SLX4: variants seen among roughly 807,000 people sequenced by gnomAD.
The protein encoded by SLX4 is SLX4 structure-specific endonuclease subunit.
A neutral mutation model predicts 146.2 loss-of-function variants in SLX4; 112 were observed. The observed-to-expected ratio is 0.77, with a 90% CI of 0.66 to 0.90. The LOEUF (loss-of-function observed/expected upper bound fraction) is 0.90, where lower values mean the gene tolerates loss of function less well. SLX4 is among the 40% of genes least tolerant of loss of function. The probability of loss-of-function intolerance (pLI) is 0.00; values close to 1 mark genes in which losing one functional copy is unlikely to be tolerated. For missense variants in SLX4, 2,563 were observed against 2,392.7 expected, an observed-to-expected ratio of 1.07 and a Z score of -1.49; for synonymous variants, 1,061 against 997.7, an observed-to-expected ratio of 1.06 and a Z score of -1.20.
At chr16:3,602,346 A>T in intron 3 of SLX4, 39 bp from the exon 4 acceptor site, 1 of 1,608,432 alleles carries the variant, frequency 6.2e-7, no homozygotes, top group Non-Finnish European at 8.5e-7. Context: ...AATAAACTCC[A>T]AAGACAAGCT....
At chr16:3,584,546 G>T (rs1466827099) in intron 13 of SLX4, among the ~76,000 whole-genome samples, 10 of 152,156 alleles carry the variant, frequency 6.6e-5, no homozygotes, top group Admixed American at 6.5e-4. Context: ...GCCTCCCTGG[G>T]GAATGGTACG....
At chr16:3,607,981 CAT>C (rs1230820508) in intron 2 of SLX4, among the ~76,000 whole-genome samples, 9 of 152,302 alleles carry the variant, frequency 5.9e-5, no homozygotes, top group African/African-American at 1.7e-4. Context: ...CAAACACAAT[CAT>C]GTGAAAAATT....
intron 12 of SLX4, among the ~76,000 whole-genome samples, chr16:3,586,810 T>A (rs1361225091): frequency 4.1e-5 from 6 of 144,734 alleles, no homozygotes; most frequent in African/African-American, 7.8e-5. Flanking sequence ...AGAGAGAGGC[T>A]CCGTCTCAAA....
In SLX4 at chr16:3,589,841, C is replaced by T; in HGVS notation, c.3797G>A (p.Ser1266Asn). ...LVPATPLASR[S>N]RDCSSQTQIS... ...TTGGGTCTGGGAAGAACAGTCACGG[C>T]TTCTGCTGGCCAGCGGGGTGGCGGG... The change falls in exon 12 of 15, where the codon AGC (serine) becomes AAC (asparagine). Residue 1266 changes from serine to asparagine, a missense_variant. Physicochemically the swap from Ser to Asn is conservative, Grantham distance 46 (BLOSUM62 1). Transcript: ENST00000294008. The surrounding 1 kb of genome is among the most constrained non-coding windows in gnomAD (Gnocchi z 6.2). The T allele has an allele frequency of 6.2e-7, 1 of 1,613,486 alleles. No homozygotes were observed. Among genetic ancestry groups the T allele is most frequent in the Non-Finnish European group, 8.5e-7 (1 of 1,180,032 alleles).
chr16:3,604,425 T>C (rs2040761337), intron 3 of SLX4, among the ~76,000 whole-genome samples: 1 of 152,132 alleles, frequency 6.6e-6, no homozygotes, highest in African/African-American at 2.4e-5. Flanking sequence ...CGCCAGGCAC[T>C]ATTATGGAAT....
At chr16:3,583,051 C>A (rs1336402520) in intron 14 of SLX4, 46 bp downstream of exon 14, 1 of 1,608,850 alleles carries the variant, frequency 6.2e-7, no homozygotes, top group Non-Finnish European at 8.5e-7. Flanking sequence ...GCCCACGGGC[C>A]AGAGGATACA....
At chr16:3,591,345 TG>T in intron 11 of SLX4, 35 bp from the exon 12 acceptor site, 1 of 1,604,886 alleles carries the variant, frequency 6.2e-7, no homozygotes, top group African/African-American at 1.3e-5. Context: ...ATCGCCCCTC[TG>T]CGTGGAGATG....
rs773210884 is a variant in SLX4, at chr16:3,590,835, G to A, written c.2803C>T (p.His935Tyr). The A allele has an allele frequency of 6.2e-7, 1 of 1,614,090 alleles. No homozygotes were observed. Among genetic ancestry groups the A allele is most frequent in the East Asian group, 2.2e-5 (1 of 44,880 alleles). ...QCALPPPQGQ[H>Y]SGARGAEAPE... ...GCCTCTGCTCCCCGTGCCCCTGAGTGCTGGCCCTGGGGTGGCGGGAGAGCG... is the reference window on the plus strand; with the variant it reads ...GCCTCTGCTCCCCGTGCCCCTGAGTACTGGCCCTGGGGTGGCGGGAGAGCG... The change falls in exon 12 of 15, where the codon CAC becomes TAC. Residue 935 changes from histidine to tyrosine, a missense_variant. Transcript: ENST00000294008. This position sits in a 1 kb window ranked among gnomAD's most constrained non-coding sequence, Gnocchi z 4.8.
chr16:3,607,365 G>T (rs2040798632), intron 2 of SLX4, among the ~76,000 whole-genome samples: 1 of 152,314 alleles, frequency 6.6e-6, no homozygotes, highest in South Asian at 2.1e-4. Flanking sequence ...TTAAGATCAG[G>T]AAGTGAGGGC....
Position 3,591,059 on chromosome 16 carries a change from G to A in SLX4, c.2579C>T (p.Thr860Ile), listed in dbSNP as rs747515305. 2.4e-5 allele frequency: 38 copies of A among 1,614,022 alleles called. No individual in the cohort carries two copies. Among genetic ancestry groups the A allele is most frequent in the Middle Eastern group, 1.6e-4 (1 of 6,084 alleles). ...TTCTTCCTGGAGAAGCTTTCGCTGA[G>A]TAGCTGCAAATTCATAAATTTCTTC... ...EMEEIYEFAATQRKLLQEERA... is the reference protein window; with the variant it reads ...EMEEIYEFAAIQRKLLQEERA... The change falls in exon 12 of 15, where the codon ACT (threonine) becomes ATT (isoleucine). Residue 860 changes from threonine (T) to isoleucine (I), a missense_variant. Coordinates refer to ENST00000294008, the MANE Select transcript of SLX4 (RefSeq NM_032444.4).
chr16:3,603,217 A>G (rs1183209387), intron 3 of SLX4, among the ~76,000 whole-genome samples: 1 of 152,092 alleles, frequency 6.6e-6, no homozygotes, highest in East Asian at 1.9e-4. Flanking sequence ...CACCTGGCTA[A>G]TTTTTAGTAG....
Position 3,610,808 on chromosome 16 carries a change from T to C in SLX4, c.-603+752A>G, listed in dbSNP as rs968554947. Among the ~76,000 whole-genome samples the C allele has an allele frequency of 3.9e-5, 6 of 152,110 alleles. No homozygotes were observed. In the East Asian group the frequency reaches 1.2e-3, roughly 29 times the overall value. ...CACAACTACTTGTTGAATTCATGAATTGCAAAGAGTTCGGTATAATGGGAG... is the reference window on the plus strand; with the variant it reads ...CACAACTACTTGTTGAATTCATGAACTGCAAAGAGTTCGGTATAATGGGAG... On this transcript the variant is annotated intron_variant, in intron 1 of 14. Transcript: ENST00000294008.
rs1035016385 is a variant in SLX4 at position 3,597,799 on chromosome 16, G to A, written c.1364C>T (p.Ala455Val). Reference protein sequence around the residue: ...SAFSERIRPEAENKSRKKKPP... With the variant: ...SAFSERIRPEVENKSRKKKPP... ...GTCACTCTTCTGATCACACAAACCT[G>A]CTTCTGGTCTTATCCTCTCAGAAAA... Residue 455 changes from alanine (A) to valine (V), a missense_variant and splice_region_variant, in exon 6 of 15, where the codon GCA becomes GTA. Ala to Val is a moderately conservative substitution (Grantham distance 64). Coordinates refer to ENST00000294008, the MANE Select transcript of SLX4 (RefSeq NM_032444.4). The surrounding 1 kb of genome is among the most constrained non-coding windows in gnomAD (Gnocchi z 4.4). 1.2e-6 allele frequency: 2 copies of A among 1,614,038 alleles called. No individual in the cohort carries two copies. The highest frequency in any genetic ancestry group is 2.7e-5 in the African/African-American group (2 of 74,922).
rs1485693438 is a variant in SLX4 at position 3,581,295 on chromosome 16, C to T, written c.*1047G>A. The T allele has an allele frequency of 1.3e-5, 2 of 152,736 alleles. No individual in the cohort carries two copies. Among genetic ancestry groups the T allele is most frequent in the Non-Finnish European group, 2.9e-5 (2 of 68,092 alleles). 9.5% of individuals were successfully genotyped at this position (152,736 alleles called of 1,614,324 possible). A position where few individuals can be genotyped will look rare whatever the true frequency, so the allele number is the denominator to read the frequency against. ...AAACCAAGGTTTCCTTCTTTCCTGG[C>T]CCTCATCTTCCTCCACACTGCTCCT... is the stretch of plus-strand genomic sequence containing the variant. On this transcript the variant is annotated 3_prime_UTR_variant, in exon 15 of 15. Transcript: ENST00000294008.
At chr16:3,585,473 C>T (rs2040497147) in intron 12 of SLX4, among the ~76,000 whole-genome samples, 1 of 151,252 alleles carries the variant, frequency 6.6e-6, no homozygotes, top group Non-Finnish European at 1.5e-5. Flanking sequence ...GTAGTCCCAG[C>T]TGCTTGGGAG....
intron 11 of SLX4, 79 bp from the exon 12 acceptor site, chr16:3,591,389 G>C (rs1015027285): frequency 2.5e-5 from 40 of 1,580,204 alleles, no homozygotes; most frequent in Admixed American, 1.6e-4. Context: ...TGGCGGACCA[G>C]AGCAGAGTCT....
intron 5 of SLX4, among the ~76,000 whole-genome samples, chr16:3,598,647 G>A (rs2040693903): frequency 6.6e-6 from 1 of 152,248 alleles, no homozygotes; most frequent in African/African-American, 2.4e-5. Context: ...GAGGGCAGAG[G>A]TGACAAAGGA....
chr16:3,591,933 T>C (rs983605088), intron 11 of SLX4, among the ~76,000 whole-genome samples: 2 of 152,144 alleles, frequency 1.3e-5, no homozygotes, highest in Non-Finnish European at 2.9e-5. Flanking sequence ...GGCAGGAGGA[T>C]TGCTTGAGGT....
rs569194362 is a variant in SLX4 at position 3,590,454 on chromosome 16, G to A, written c.3184C>T (p.Arg1062Cys). ...SGSSLSTPRS[R>C]GGTSQVGSPT... ...GAGCCCACCTGGGAAGTTCCGCCAC[G>A]GGACCGGGGTGTTGACAGGGACGAC... The change falls in exon 12 of 15, where the codon CGT becomes TGT. Residue 1062 changes from arginine (R) to cysteine (C), a missense_variant. Arg to Cys is a radical substitution (Grantham distance 180). Transcript: ENST00000294008. The surrounding 1 kb of genome is among the most constrained non-coding windows in gnomAD (Gnocchi z 4.8). The A allele has an allele frequency of 3.1e-5, 50 of 1,614,118 alleles. No individual in the cohort carries two copies. The East Asian group carries it at 4.7e-4, about 15-fold the overall frequency.
Sources: gnomAD v4.1 joint callset for allele counts (sites outside exome capture counted in the v4.1 genomes callset) on GRCh38, gnomAD v4.1.1 for gene constraint, Gnocchi (gnomAD v3.1) non-coding constraint, MANE v1.5 for transcripts, NCBI Gene and HGNC (gene_info 2026-07-23, HGNC 2026-07-21) for gene names.